TYW2: variants seen among roughly 807,000 people sequenced by gnomAD.
The protein encoded by TYW2 is tRNA wybutosine-synthesizing protein 2.
At chr8:124,451,975 C>G in the TYW2 span, 2 of 1,614,208 alleles carry the variant, frequency 1.2e-6, no homozygotes, top group Non-Finnish European at 1.7e-6. Flanking sequence ...TCTTCAGGCT[C>G]TTGGAGTCAG....
chr8:124,451,356 GAGTGA>G, the TYW2 span: 1 of 1,614,192 alleles, frequency 6.2e-7, no homozygotes, highest in East Asian at 2.2e-5. Flanking sequence ...TCTTGTTGCT[GAGTGA>G]AGACTGTTTC....
chr8:124,451,319 C>T, the TYW2 span: 5 of 1,614,108 alleles, frequency 3.1e-6, no homozygotes, highest in Non-Finnish European at 4.2e-6. Context: ...GCTGATTTGC[C>T]CCGATCATGG....
the TYW2 span, chr8:124,450,837 G>T: frequency 2.1e-6 from 3 of 1,459,592 alleles, no homozygotes; most frequent in South Asian, 2.7e-5. Context: ...GCACCGGCAT[G>T]GCCGGGTGAG....
chr8:124,451,281 G>A, the TYW2 span: 1 of 1,614,178 alleles, frequency 6.2e-7, no homozygotes, highest in Non-Finnish European at 8.5e-7. Flanking sequence ...TGGAGGGTCG[G>A]GGAGTCAAGT....
At chr8:124,450,931 A>C in the TYW2 span, 1 of 1,612,318 alleles carries the variant, frequency 6.2e-7, no homozygotes, top group African/African-American at 1.3e-5. Context: ...TGAGGTGATG[A>C]GAGAGAATGT....
chr8:124,452,219 A>G, the TYW2 span: 6 of 1,614,200 alleles, frequency 3.7e-6, no homozygotes, highest in South Asian at 6.6e-5. Flanking sequence ...TATGCTCCCC[A>G]TGTGGATCAC....
the TYW2 span, chr8:124,451,226 G>A: frequency 6.2e-7 from 1 of 1,614,156 alleles, no homozygotes; most frequent in South Asian, 1.1e-5. Context: ...AGGGCCCAGG[G>A]TTGTTCACCT....
the TYW2 span, chr8:124,451,877 G>C: frequency 6.2e-7 from 1 of 1,614,168 alleles, no homozygotes; most frequent in East Asian, 2.2e-5. Flanking sequence ...TCTGAAGAAG[G>C]CTGGCCCATT....
At chr8:124,452,371 C>G in the TYW2 span, 5 of 1,252,616 alleles carry the variant, frequency 4.0e-6, no homozygotes, top group African/African-American at 6.0e-5. Flanking sequence ...CCCTGGTGAT[C>G]AGTTTTTTTC....
chr8:124,452,573 C>T, the TYW2 span: 8 of 352,526 alleles, frequency 2.3e-5, no homozygotes, highest in East Asian at 1.1e-4. Context: ...GTTTTGGCCT[C>T]GGGTTTCGTT....
At chr8:124,452,198 C>T in the TYW2 span, 12 of 1,614,200 alleles carry the variant, frequency 7.4e-6, no homozygotes, top group Non-Finnish European at 8.5e-7. Context: ...CACATCCAAC[C>T]AGTGAAATCC....
chr8:124,450,983 C>G, the TYW2 span: 1 of 1,614,010 alleles, frequency 6.2e-7, no homozygotes, highest in African/African-American at 1.3e-5. Context: ...AAGCCCGTGG[C>G]TGTTGTCGCA....
chr8:124,452,729 A>G, the TYW2 span: 562 of 172,596 alleles, frequency 3.3e-3, 3 homozygotes, highest in Non-Finnish European at 6.2e-3. Context: ...AAGGAGGGCC[A>G]AGATGGAAAC....
chr8:124,451,847 T>A, the TYW2 span: 5 of 1,614,146 alleles, frequency 3.1e-6, no homozygotes, highest in African/African-American at 6.7e-5. Context: ...GATAGGGTGA[T>A]CCTGGGGCTG....
the TYW2 span, chr8:124,452,593 A>G: frequency 3.2e-6 from 1 of 314,450 alleles, no homozygotes; most frequent in East Asian, 7.0e-5. Flanking sequence ...TATTTGCAAA[A>G]TGAGAGTTTC....
the TYW2 span, chr8:124,452,331 A>G: frequency 2.6e-6 from 4 of 1,550,414 alleles, no homozygotes; most frequent in Admixed American, 5.5e-5. Context: ...TAAATGTATC[A>G]GTTCAGTCCA....
chr8:124,451,197 G>A, the TYW2 span: 1 of 1,614,100 alleles, frequency 6.2e-7, no homozygotes, highest in Admixed American at 1.7e-5. Context: ...CGCAGCTCCC[G>A]GATCCTGTTC....
chr8:124,451,081 A>C, the TYW2 span: 1 of 1,614,228 alleles, frequency 6.2e-7, no homozygotes, highest in Non-Finnish European at 8.5e-7. Flanking sequence ...TGTGGAAAAG[A>C]TGCCGGATGG....
At chr8:124,451,876 G>T in the TYW2 span, 1 of 1,614,176 alleles carries the variant, frequency 6.2e-7, no homozygotes, top group Admixed American at 1.7e-5. Context: ...CTCTGAAGAA[G>T]GCTGGCCCAT....
Sources: allele counts gnomAD v4.1 joint callset, GRCh38; gene constraint gnomAD v4.1.1; transcripts MANE v1.5; gene names NCBI Gene and HGNC (gene_info 2026-07-23, HGNC 2026-07-21).